Variants in PTPRD observed in about 807,000 individuals in gnomAD.
PTPRD encodes the protein receptor-type tyrosine-protein phosphatase delta.
In PTPRD, 34 loss-of-function variants were observed where a neutral mutation model predicts 214.5. That is an observed-to-expected ratio of 0.16 (90% CI 0.12 to 0.21). The LOEUF is 0.21. Among genes scored for constraint, PTPRD ranks in the 10% least tolerant of loss-of-function variants. The pLI is 1.00. For missense variants in PTPRD, 2,545 were observed against 2,398.7 expected (o/e 1.06, Z -1.27); for synonymous variants, 1,128 against 845.7 (o/e 1.33, Z -5.79).
intron 11 of PTPRD, among the ~76,000 whole-genome samples, chr9:8,844,806 C>G (rs1321103899): frequency 6.6e-6 from 1 of 152,152 alleles, no homozygotes; most frequent in Non-Finnish European, 1.5e-5. Context: ...GGCTAGGCAG[C>G]TAAGGCTCTA....
Position 10,194,242 on chromosome 9 carries a change from A to C in PTPRD, c.-545+146721T>G, listed in dbSNP as rs2154325149. 1.3e-5 allele frequency among the ~76,000 whole-genome samples: 2 copies of C among 151,098 alleles called. 1 individual carries two copies. Among genetic ancestry groups the C allele is most frequent in the Admixed American group, 1.3e-4 (2 of 15,148 alleles). On this transcript the variant is annotated intron_variant, in intron 3 of 45. Transcript: ENST00000381196. The stretch of plus-strand genomic sequence containing the variant: ...ATCAGAATTTACCCTAGTTACTCTC[A>C]TTTTAGAAAATATCAAATACATTAA...
chr9:9,715,228 C>G (rs1362605714), intron 7 of PTPRD, among the ~76,000 whole-genome samples: 3 of 152,270 alleles, frequency 2.0e-5, no homozygotes, highest in South Asian at 2.1e-4. Flanking sequence ...CAATTTATGA[C>G]TTTCTGTTCC....
At chr9:10,425,908 A>C (rs989454860) in intron 2 of PTPRD, among the ~76,000 whole-genome samples, 1 of 151,996 alleles carries the variant, frequency 6.6e-6, no homozygotes, top group African/African-American at 2.4e-5. Flanking sequence ...CATCTTATTA[A>C]ATTGAACTAT....
At chr9:9,933,353 C>T (rs1489331773) in intron 5 of PTPRD, among the ~76,000 whole-genome samples, 2 of 151,956 alleles carry the variant, frequency 1.3e-5, no homozygotes, top group African/African-American at 2.4e-5. Flanking sequence ...CAGAGACACA[C>T]ACAGGCTCAA....
intron 8 of PTPRD, among the ~76,000 whole-genome samples, chr9:9,539,386 C>G (rs1157774083): frequency 1.3e-5 from 2 of 151,820 alleles, no homozygotes; most frequent in African/African-American, 4.8e-5. Context: ...TGGGAGGCTT[C>G]TGTTGAAAAT....
At chr9:10,489,390 T>C (rs1778906358) in intron 2 of PTPRD, among the ~76,000 whole-genome samples, 2 of 152,022 alleles carry the variant, frequency 1.3e-5, no homozygotes, top group Non-Finnish European at 2.9e-5. Context: ...AGATAAGAAG[T>C]CTCTTTTGGA....
rs1319062187 is a variant in PTPRD, at chr9:10,356,040, T to A, written c.-599-15023A>T. On this transcript the variant is annotated intron_variant, in intron 2 of 45. Coordinates refer to ENST00000381196, the MANE Select transcript of PTPRD (RefSeq NM_002839.4). ...GAATATATTAACATAACATTCCAAATTTTTAGTTCATTTGATTTCCATTTT... is the reference window on the plus strand; with the variant it reads ...GAATATATTAACATAACATTCCAAAATTTTAGTTCATTTGATTTCCATTTT... 3.3e-5 allele frequency among the ~76,000 whole-genome samples: 5 copies of A among 152,262 alleles called. No individual in the cohort carries two copies. The East Asian group carries it at 7.7e-4, about 24-fold the overall frequency.
rs933812137 is a variant in PTPRD, at chr9:9,979,800, G to A, written c.-471-41190C>T. 2.0e-5 allele frequency among the ~76,000 whole-genome samples: 3 copies of A among 152,266 alleles called. No homozygotes were observed. In the South Asian group the frequency reaches 6.2e-4, roughly 32 times the overall value. On this transcript the variant is annotated intron_variant, in intron 4 of 45. Transcript: ENST00000381196. ...ACAGTATTAAAGAGTATAGAATGATGAGTGAGGGAGAAACCCAGCTAACTC... is the reference window on the plus strand; with the variant it reads ...ACAGTATTAAAGAGTATAGAATGATAAGTGAGGGAGAAACCCAGCTAACTC...
chr9:8,548,330 C>G (rs1489420455), intron 14 of PTPRD, among the ~76,000 whole-genome samples: 2 of 151,746 alleles, frequency 1.3e-5, no homozygotes, highest in Non-Finnish European at 2.9e-5. Flanking sequence ...TGGAAGGAAT[C>G]TGGGGTTCAT....
At chr9:8,477,809 GA>G (rs201820559) in intron 30 of PTPRD, among the ~76,000 whole-genome samples, 2,381 of 147,974 alleles carry the variant, frequency 0.016, 54 homozygotes, top group African/African-American at 0.052. Flanking sequence ...ATTGACCTAG[GA>G]AAAAAAAAAA....
At chr9:8,632,121 T>TTGTGTGTGTGTGTG (rs146691738) in intron 14 of PTPRD, among the ~76,000 whole-genome samples, 12 of 144,604 alleles carry the variant, frequency 8.3e-5, no homozygotes, top group East Asian at 2.0e-4. Flanking sequence ...AATTGCTTCT[T>TTGTGTGTGTGTGTG]TGTGTGTGTG....
At chr9:9,308,277 C>A (rs1366778951) in intron 9 of PTPRD, among the ~76,000 whole-genome samples, 1 of 152,162 alleles carries the variant, frequency 6.6e-6, no homozygotes, top group East Asian at 1.9e-4. Flanking sequence ...TTCATGATTT[C>A]ATGACACAAA....
intron 17 of PTPRD, 38 bp downstream of exon 17, chr9:8,526,589 G>A: frequency 6.5e-7 from 1 of 1,532,410 alleles, no homozygotes. Context: ...GAAAGAATGA[G>A]TAAGATCATT....
At chr9:9,613,156 A>ATATATATG (rs2094626353) in intron 7 of PTPRD, among the ~76,000 whole-genome samples, 1 of 86,398 alleles carries the variant, frequency 1.2e-5, no homozygotes, top group South Asian at 3.1e-4. Context: ...ATATATATAT[A>ATATATATG]TATATATATA....
At chr9:9,454,244 G>C (rs1191093656) in intron 8 of PTPRD, among the ~76,000 whole-genome samples, 1 of 151,596 alleles carries the variant, frequency 6.6e-6, no homozygotes, top group Non-Finnish European at 1.5e-5. Flanking sequence ...AAAAAGCCCT[G>C]ATTTGTAGCT....
chr9:8,776,905 GTATAATAT>G (rs2095504097), intron 11 of PTPRD, among the ~76,000 whole-genome samples: 1 of 19,900 alleles, frequency 5.0e-5, no homozygotes, highest in African/African-American at 3.4e-4. Flanking sequence ...TAATACATAT[GTATAATAT>G]ATGTATAATA....
intron 2 of PTPRD, among the ~76,000 whole-genome samples, chr9:10,392,363 C>T (rs909643711): frequency 2.0e-5 from 3 of 151,882 alleles, no homozygotes; most frequent in African/African-American, 4.8e-5. Flanking sequence ...TTTGAGATCA[C>T]CTGATTAGAT....
intron 34 of PTPRD, 136 bp from the exon 35 acceptor site, chr9:8,436,825 C>T: frequency 1.5e-6 from 1 of 685,556 alleles, no homozygotes; most frequent in South Asian, 2.0e-5. Context: ...GGTGAGGAAG[C>T]AGGCAAATAG....
chr9:10,493,102 C>A (rs957352306), intron 2 of PTPRD, among the ~76,000 whole-genome samples: 16 of 151,966 alleles, frequency 1.1e-4, no homozygotes, highest in African/African-American at 2.9e-4. Flanking sequence ...TAAGAGAGCA[C>A]AGAAACAAAT....
Sources: gnomAD v4.1 joint callset for allele counts (sites outside exome capture counted in the v4.1 genomes callset) on GRCh38, gnomAD v4.1.1 for gene constraint, MANE v1.5 for transcripts, NCBI Gene and HGNC (gene_info 2026-07-23, HGNC 2026-07-21) for gene names.